ITIH6: variants seen among roughly 807,000 people sequenced by gnomAD.
The protein encoded by ITIH6 is inter-alpha-trypsin inhibitor heavy chain family member 6, also known as inter-alpha-trypsin inhibitor heavy chain H6.
A neutral mutation model predicts 58.2 loss-of-function variants in ITIH6; 60 were observed. The observed-to-expected ratio is 1.03, with a 90% CI of 0.84 to 1.28. The LOEUF (loss-of-function observed/expected upper bound fraction) is 1.28, where lower values mean the gene tolerates loss of function less well. ITIH6 is among the 50% of genes most tolerant of loss of function. ITIH6 has a pLI of 0.00. For missense variants in ITIH6, 1,290 were observed against 1,021.1 expected (o/e 1.26, Z -3.59); for synonymous variants, 493 against 417.4 (o/e 1.18, Z -2.21).
intron 5 of ITIH6, among the ~76,000 whole-genome samples, chrX:54,778,476 T>C (rs1203412932): frequency 1.8e-5 from 2 of 112,024 alleles, no homozygotes; most frequent in African/African-American, 6.5e-5. Flanking sequence ...TTTAAAGGCA[T>C]GAGCCACTGC....
chrX:54,774,297 G>T (rs1929012951), intron 5 of ITIH6, 100 bp from the exon 6 acceptor site: 1 of 395,704 alleles, frequency 2.5e-6, no homozygotes. Flanking sequence ...ACTGTGCTTT[G>T]TTCCCCAGGA....
intron 9 of ITIH6, among the ~76,000 whole-genome samples, 200 bp from the exon 10 acceptor site, chrX:54,754,165 C>T (rs1329323571): frequency 8.9e-6 from 1 of 112,006 alleles, no homozygotes; most frequent in Admixed American, 9.4e-5. Context: ...CCTTCTCTTC[C>T]TAGTGACCCT....
rs776410715 is a variant in ITIH6 at position 54,757,423 on chromosome X, G to A, written c.2651C>T (p.Thr884Ile). 1.2e-5 allele frequency: 14 copies of A among 1,208,507 alleles called. No individual in the cohort carries two copies. The highest frequency in any genetic ancestry group is 1.6e-5 in the Non-Finnish European group (14 of 894,539). Reference protein sequence around the residue: ...PETPNPHMPQTPLPPRPDRPR... With the variant: ...PETPNPHMPQIPLPPRPDRPR... The stretch of plus-strand genomic sequence containing the variant: ...TCTGTCAGGTCTAGGAGGTAGTGGG[G>A]TTTGAGGCATATGGGGGTTTGGGGT... The change falls in exon 8 of 13, where the codon ACC becomes ATC. Residue 884 changes from threonine (T) to isoleucine (I), a missense_variant. Coordinates refer to ENST00000218436, the MANE Select transcript of ITIH6 (RefSeq NM_198510.3).
chrX:54,770,351 C>T (rs1009970917), intron 6 of ITIH6, among the ~76,000 whole-genome samples: 11 of 112,845 alleles, frequency 9.7e-5, no homozygotes, highest in Non-Finnish European at 5.6e-5. Flanking sequence ...GCGTCGCTCA[C>T]GCTGGGAGCT....
chrX:54,782,745 C>T (rs939260558), intron 5 of ITIH6, among the ~76,000 whole-genome samples: 1 of 111,823 alleles, frequency 8.9e-6, no homozygotes, highest in African/African-American at 3.3e-5. Flanking sequence ...GACTTCACCA[C>T]TGAATTCTAC....
At chrX:54,793,205 T>C (rs951516454) in intron 2 of ITIH6, among the ~76,000 whole-genome samples, 3 of 111,668 alleles carry the variant, frequency 2.7e-5, no homozygotes, top group Non-Finnish European at 5.6e-5. Context: ...TAGTTACATA[T>C]GGTGGCACAT....
At chrX:54,783,641 A>G (rs916475203) in intron 5 of ITIH6, among the ~76,000 whole-genome samples, 2 of 112,203 alleles carry the variant, frequency 1.8e-5, no homozygotes, top group Admixed American at 1.9e-4. Flanking sequence ...GAAGTGAAAC[A>G]TCTCTATAAT....
chrX:54,792,948 T>C (rs1929375173), intron 2 of ITIH6, among the ~76,000 whole-genome samples: 1 of 110,973 alleles, frequency 9.0e-6, no homozygotes, highest in Non-Finnish European at 1.9e-5. Context: ...AAGGCTCTGT[T>C]GTCAACCTTT....
At chrX:54,753,897 C>G in intron 10 of ITIH6, 33 bp downstream of exon 10, 4 of 1,196,045 alleles carry the variant, frequency 3.3e-6, no homozygotes, top group Non-Finnish European at 4.5e-6. Context: ...GCCCTGTACT[C>G]AAACAGGGGA....
At chrX:54,767,683 C>G (rs1263903530) in intron 6 of ITIH6, among the ~76,000 whole-genome samples, 1 of 103,612 alleles carries the variant, frequency 9.7e-6, no homozygotes, top group African/African-American at 3.8e-5. Flanking sequence ...TGTTCAGTTT[C>G]CATGTAGTTG....
At chrX:54,753,557 A>C (rs1188202871) in intron 11 of ITIH6, 94 bp downstream of exon 11, 1 of 578,141 alleles carries the variant, frequency 1.7e-6, no homozygotes, top group Non-Finnish European at 2.9e-6. Context: ...GTGCATTGCT[A>C]TGTGTCTGGG....
rs1430425585 is a variant in ITIH6 at position 54,773,540 on chromosome X, G to A, written c.903+541C>T. Among the ~76,000 whole-genome samples the A allele has an allele frequency of 2.7e-5, 3 of 111,091 alleles. No individual in the cohort carries two copies. The Admixed American group carries it at 2.9e-4, about 11-fold the overall frequency. On this transcript the variant is annotated intron_variant, in intron 6 of 12. Coordinates refer to ENST00000218436, the MANE Select transcript of ITIH6 (RefSeq NM_198510.3). ...TGCCTGCAGAACTTTATGGATTCAG[G>A]GACTAAAGTCAAAGCCTGCTTGGTC...
rs1929380646 is a variant in ITIH6 at position 54,793,320 on chromosome X, AC to A, written c.258-1285del. ...TCATTCTCAGTAAACTGTCACAGGA[AC>A]AAAAAACCAATTTCTTACTTGACAT... is the stretch of plus-strand genomic sequence containing the variant. On this transcript the variant is annotated intron_variant, in intron 2 of 12. Coordinates refer to ENST00000218436, the MANE Select transcript of ITIH6 (RefSeq NM_198510.3). Among the ~76,000 whole-genome samples, 3 of 111,113 alleles carry A rather than the reference AC, an allele frequency of 2.7e-5. No individual in the cohort carries two copies. The South Asian group carries it at 1.1e-3, about 43-fold the overall frequency.
At chrX:54,781,203 C>T (rs770597127) in intron 5 of ITIH6, among the ~76,000 whole-genome samples, 10 of 111,885 alleles carry the variant, frequency 8.9e-5, no homozygotes, top group South Asian at 3.7e-4. Flanking sequence ...ATGATGAAGA[C>T]GCCAAAAGCA....
rs188828156 is a variant in ITIH6, at chrX:54,765,639, C to G, written c.904-5712G>C. Among the ~76,000 whole-genome samples, 564 of 101,780 alleles carry G rather than the reference C, an allele frequency of 5.5e-3. 4 individuals carry two copies. Among genetic ancestry groups the G allele is most frequent in the African/African-American group, 0.018 (505 of 27,365 alleles). 88.4% of individuals were successfully genotyped at this position (101,780 alleles called of 115,157 possible). ...TGAGACGGAGTCTCGCTCTGTTGCC[C>G]AGGCCAGACTGCGGACTGCAGTGGT... is the stretch of plus-strand genomic sequence containing the variant. On this transcript the variant is annotated intron_variant, in intron 6 of 12. Coordinates refer to ENST00000218436, the MANE Select transcript of ITIH6 (RefSeq NM_198510.3).
intron 5 of ITIH6, 46 bp downstream of exon 5, chrX:54,788,434 C>A: frequency 8.8e-7 from 1 of 1,138,628 alleles, no homozygotes; most frequent in Non-Finnish European, 1.2e-6. Context: ...TCAGGCCTGT[C>A]TGACTCCAGA....
chrX:54,761,317 T>A (rs373050878), intron 6 of ITIH6, among the ~76,000 whole-genome samples: 30 of 112,002 alleles, frequency 2.7e-4, no homozygotes, highest in Non-Finnish European at 3.4e-4. Flanking sequence ...GTTTGAGTTC[T>A]TTGTAGATTC....
chrX:54,750,997 A>G lies in ITIH6; in HGVS notation c.3730+6T>C. On this transcript the variant is annotated splice_donor_region_variant and intron_variant, in intron 12 of 12. Coordinates refer to ENST00000218436, the MANE Select transcript of ITIH6 (RefSeq NM_198510.3). ...CCTGGCCCCTCTCAGCCTCAGCTGC[A>G]CTTACCTATCAGGCCACGGGCTGAG... 2 of 1,146,416 alleles carry G rather than the reference A, an allele frequency of 1.7e-6. No individual in the cohort carries two copies. Among genetic ancestry groups the G allele is most frequent in the Non-Finnish European group, 2.3e-6 (2 of 861,591 alleles). The allele number at this position is 1,146,416 out of a possible 1,213,427, so 94.5% of individuals were successfully genotyped here.
chrX:54,757,157 A>G lies in ITIH6; in HGVS notation c.2917T>C (p.Ser973Pro). The change falls in exon 8 of 13, where the codon TCC (serine) becomes CCC (proline). Residue 973 changes from serine (S) to proline (P), a missense_variant. Physicochemically the swap from Ser to Pro is moderately conservative, Grantham distance 74. Coordinates refer to ENST00000218436, the MANE Select transcript of ITIH6 (RefSeq NM_198510.3). ...GGGCTGCCTTCTGGTGTAGGCCTGG[A>G]GCTGTTGAGTAGGCTCATTGTTGGA... ...GVPTMSLLNS[S>P]RPTPEGSPPN... The G allele has an allele frequency of 8.3e-7, 1 of 1,210,498 alleles. No homozygotes were observed. Among genetic ancestry groups the G allele is most frequent in the Non-Finnish European group, 1.1e-6 (1 of 895,058 alleles).
Sources: allele counts gnomAD v4.1 joint callset (sites outside exome capture counted in the v4.1 genomes callset), GRCh38; gene constraint gnomAD v4.1.1; transcripts MANE v1.5; gene names NCBI Gene and HGNC (gene_info 2026-07-23, HGNC 2026-07-21).